The following EFHC1 variants were observed in gnomAD, a reference collection of about 807,000 sequenced individuals.
EFHC1 encodes the protein EF-hand domain containing 1.
A neutral mutation model predicts 69.9 loss-of-function variants in EFHC1; 53 were observed. The ratio of observed to expected loss-of-function variants is 0.76; its 90% CI spans 0.61 to 0.95. The LOEUF is 0.95. EFHC1 is among the 40% of genes least tolerant of loss of function. The probability of loss-of-function intolerance (pLI) is 0.00; values close to 1 mark genes in which losing one functional copy is unlikely to be tolerated. For missense variants in EFHC1, 739 were observed against 798.7 expected (o/e 0.93, Z 0.90); for synonymous variants, 256 against 278.4 (o/e 0.92, Z 0.80).
intron 5 of EFHC1, among the ~76,000 whole-genome samples, chr6:52,455,121 T>C (rs1765013519): frequency 6.6e-6 from 1 of 151,826 alleles, no homozygotes; most frequent in Non-Finnish European, 1.5e-5. Context: ...CTACCATATT[T>C]GAGAGTGGCA....
intron 2 of EFHC1, among the ~76,000 whole-genome samples, chr6:52,433,527 G>T (rs1581815602): frequency 6.6e-6 from 1 of 152,218 alleles, no homozygotes; most frequent in Non-Finnish European, 1.5e-5. Context: ...TGTGCTGTGA[G>T]CCGTCTGTGG....
intron 5 of EFHC1, among the ~76,000 whole-genome samples, chr6:52,455,679 A>C (rs564231865): frequency 3.3e-5 from 5 of 152,136 alleles, no homozygotes; most frequent in African/African-American, 1.2e-4. Context: ...AAGAAATTTC[A>C]GGTATTGAGC....
chr6:52,473,331 C>T (rs1181814119), intron 7 of EFHC1, among the ~76,000 whole-genome samples: 2 of 152,128 alleles, frequency 1.3e-5, no homozygotes, highest in African/African-American at 4.8e-5. Flanking sequence ...GAAAATTTGA[C>T]CTCCATCTCA....
chr6:52,480,673 C>CA (rs1453113722), intron 9 of EFHC1, among the ~76,000 whole-genome samples: 14 of 152,136 alleles, frequency 9.2e-5, no homozygotes, highest in Non-Finnish European at 2.1e-4. Flanking sequence ...TGACAATGAA[C>CA]AAACACTTGA....
At position 52,494,028 on chromosome 6, in the gene EFHC1, G is replaced by C. The variant is rs1381860688; in HGVS notation, c.*1687G>C. The C allele has an allele frequency of 2.2e-6, 1 of 454,020 alleles. No individual in the cohort carries two copies. Among genetic ancestry groups the C allele is most frequent in the Non-Finnish European group, 4.4e-6 (1 of 226,776 alleles). 28.1% of individuals were successfully genotyped at this position (454,020 alleles called of 1,614,324 possible). On this transcript the variant is annotated 3_prime_UTR_variant, in exon 11 of 11. Transcript: ENST00000371068. ...TTTCTGTTCCAGGTTATTATCTTGG[G>C]AATAACCCATGTTTTGTTTTGTTTT...
At chr6:52,463,050 C>T (rs777950607) in intron 5 of EFHC1, among the ~76,000 whole-genome samples, 5 of 151,606 alleles carry the variant, frequency 3.3e-5, no homozygotes, top group East Asian at 1.9e-4. Flanking sequence ...GTCTTTGAGA[C>T]GGAGTCTCTC....
intron 5 of EFHC1, among the ~76,000 whole-genome samples, chr6:52,463,251 C>T (rs9718122): frequency 0.043 from 6,409 of 149,670 alleles, 184 homozygotes; most frequent in South Asian, 0.092. Context: ...TGTTAGCCAG[C>T]GTGGTTTTGA....
At chr6:52,466,349 T>C (rs79123956) in intron 6 of EFHC1, among the ~76,000 whole-genome samples, 2 of 152,166 alleles carry the variant, frequency 1.3e-5, no homozygotes, top group Non-Finnish European at 2.9e-5. Context: ...GCATCTTGTT[T>C]TACTCCCAGG....
intron 2 of EFHC1, among the ~76,000 whole-genome samples, chr6:52,432,439 A>C (rs1764436820): frequency 6.6e-6 from 1 of 152,136 alleles, no homozygotes; most frequent in African/African-American, 2.4e-5. Flanking sequence ...TCTGAAAAAG[A>C]CTGTATCTTT....
chr6:52,492,294 G>GA lies in EFHC1; in HGVS notation c.1878dup (p.Gly627ArgfsTer4), dbSNP rs1454587378. The GA allele has an allele frequency of 1.2e-6, 2 of 1,613,918 alleles. No individual in the cohort carries two copies. Among genetic ancestry groups the GA allele is most frequent in the South Asian group, 2.2e-5 (2 of 91,074 alleles). On this transcript the variant is annotated frameshift_variant, in exon 11 of 11. Transcript: ENST00000371068. LOFTEE classifies it high-confidence loss of function. ...GTTAATCAGGATGTGCTCTCATGGA[G>GA]AAGGCAAAATTAACTACTATAACTT...
At position 52,456,633 on chromosome 6, in the gene EFHC1, G is replaced by T. The variant is rs926972160; in HGVS notation, c.916+2346G>T. ...GGTTCTTTTAAAAAGTAGGAAACAGGCTGGTCGCTGTGGCCGAAGCCTATA... is the reference window on the plus strand; with the variant it reads ...GGTTCTTTTAAAAAGTAGGAAACAGTCTGGTCGCTGTGGCCGAAGCCTATA... On this transcript the variant is annotated intron_variant, in intron 5 of 10. Transcript: ENST00000371068. 2.6e-5 allele frequency among the ~76,000 whole-genome samples: 4 copies of T among 152,200 alleles called. No homozygotes were observed. The South Asian group carries it at 8.3e-4, about 31-fold the overall frequency.
rs1213527838 is a variant in EFHC1, at chr6:52,427,515, A to G, written c.285+3348A>G. 2.7e-5 allele frequency among the ~76,000 whole-genome samples: 4 copies of G among 150,134 alleles called. No individual in the cohort carries two copies. The East Asian group carries it at 5.8e-4, about 22-fold the overall frequency. On this transcript the variant is annotated intron_variant, in intron 2 of 10. Coordinates refer to ENST00000371068, the MANE Select transcript of EFHC1 (RefSeq NM_018100.4). ...TGAGGCTTTTCCTGGCCACTCTGCTATGGCAGTTCCTCCTCATTTTTCTAT... is the reference window on the plus strand; with the variant it reads ...TGAGGCTTTTCCTGGCCACTCTGCTGTGGCAGTTCCTCCTCATTTTTCTAT...
At chr6:52,423,568 C>A (rs1011854006) in intron 1 of EFHC1, 9 of 460,546 alleles carry the variant, frequency 2.0e-5, no homozygotes, top group Non-Finnish European at 3.4e-5. Flanking sequence ...GTGGTTCAAT[C>A]ATAGCTTATT....
rs753835460 is a variant in EFHC1, at chr6:52,469,363, G to A, written c.1168G>A (p.Val390Met). The change falls in exon 7 of 11, where the codon GTG (valine) becomes ATG (methionine). Residue 390 changes from valine (V) to methionine (M), a missense_variant. Transcript: ENST00000371068. ...GCCTCCTTATAACGGTTTTGGACTA[G>A]TGGAAGATTCTGCTCAGAATTGTTT... ...ELPPYNGFGL[V>M]EDSAQNCFAL... 8 of 1,614,004 alleles carry A rather than the reference G, an allele frequency of 5.0e-6. No individual in the cohort carries two copies. In the Admixed American group the frequency reaches 6.7e-5, roughly 13 times the overall value.
Position 52,493,095 on chromosome 6 carries a change from C to G in EFHC1, c.*754C>G, listed in dbSNP as rs1562467302. 1 of 453,974 alleles carries G rather than the reference C, an allele frequency of 2.2e-6. No homozygotes were observed. The highest frequency in any genetic ancestry group is 1.6e-5 in the South Asian group (1 of 64,476). 28.1% of individuals were successfully genotyped at this position (453,974 alleles called of 1,614,324 possible). A position where few individuals can be genotyped will look rare whatever the true frequency, so the allele number is the denominator to read the frequency against. On this transcript the variant is annotated 3_prime_UTR_variant, in exon 11 of 11. Coordinates refer to ENST00000371068, the MANE Select transcript of EFHC1 (RefSeq NM_018100.4). The stretch of plus-strand genomic sequence containing the variant: ...CTTTCCCCAGGTAAGAGAATTCCTC[C>G]TGCCTGACTGGCTTCAAATTGGAAC...
intron 7 of EFHC1, 67 bp from the exon 8 acceptor site, chr6:52,478,970 C>A (rs1022292101): frequency 6.9e-7 from 1 of 1,459,066 alleles, no homozygotes; most frequent in Non-Finnish European, 9.5e-7. Flanking sequence ...CCCCTATAGG[C>A]ATTTAAGTTG....
At chr6:52,469,619 G>A in intron 7 of EFHC1, 146 bp downstream of exon 7, 1 of 1,185,344 alleles carries the variant, frequency 8.4e-7, no homozygotes, top group Non-Finnish European at 1.2e-6. Context: ...CAGCCTTCAG[G>A]GAGGTTGGAT....
At chr6:52,420,535 C>T in intron 1 of EFHC1, 62 bp downstream of exon 1, 2 of 1,583,748 alleles carry the variant, frequency 1.3e-6, no homozygotes, top group Non-Finnish European at 8.7e-7. Context: ...GGAGGTTTCC[C>T]CGCTCAGTGC....
At chr6:52,438,217 T>G in intron 2 of EFHC1, 87 bp from the exon 3 acceptor site, 1 of 1,297,292 alleles carries the variant, frequency 7.7e-7, no homozygotes, top group Non-Finnish European at 1.1e-6. Flanking sequence ...CCCTGTGTGG[T>G]TCTGTTTTCA....
Sources: gnomAD v4.1 joint callset for allele counts (sites outside exome capture counted in the v4.1 genomes callset) on GRCh38, gnomAD v4.1.1 for gene constraint, MANE v1.5 for transcripts, NCBI Gene and HGNC (gene_info 2026-07-23, HGNC 2026-07-21) for gene names.